PIBF1: variants seen among roughly 807,000 people sequenced by gnomAD.
PIBF1 encodes progesterone-induced-blocking factor 1.
A neutral mutation model predicts 112.5 loss-of-function variants in PIBF1; 90 were observed. The ratio of observed to expected loss-of-function variants is 0.80; its 90% CI spans 0.67 to 0.95. PIBF1 has a LOEUF of 0.95. Among genes scored for constraint, PIBF1 ranks in the 40% least tolerant of loss-of-function variants. PIBF1 has a pLI of 0.00. For synonymous variants in PIBF1, 301 were observed against 288.6 expected (o/e 1.04, Z -0.44); for missense variants, 915 against 852.3 (o/e 1.07, Z -0.92).
intron 5 of PIBF1, among the ~76,000 whole-genome samples, chr13:72,800,554 A>G (rs948710844): frequency 2.0e-5 from 3 of 152,202 alleles, no homozygotes; most frequent in Non-Finnish European, 4.4e-5. Context: ...CCGTCCGTAA[A>G]ATAGGGACGA....
chr13:73,010,193 C>G (rs898413273), intron 17 of PIBF1, among the ~76,000 whole-genome samples: 2 of 151,752 alleles, frequency 1.3e-5, no homozygotes, highest in Non-Finnish European at 2.9e-5. Flanking sequence ...AGAACTTACC[C>G]CCACTATGGC....
chr13:72,935,638 G>T lies in PIBF1; in HGVS notation c.1833+4371G>T, dbSNP rs367667584. 8.1e-4 allele frequency among the ~76,000 whole-genome samples: 124 copies of T among 152,232 alleles called. No homozygotes were observed. The Middle Eastern group carries it at 0.014, about 17-fold the overall frequency. On this transcript the variant is annotated intron_variant, in intron 14 of 17. Coordinates refer to ENST00000326291, the MANE Select transcript of PIBF1 (RefSeq NM_006346.4). ...CTGCTAAACTGTTTCCCAGATGTTT[G>T]TACCATTTTACATTTCCACCAATAA...
chr13:72,951,505 A>G (rs763250107), intron 14 of PIBF1, among the ~76,000 whole-genome samples: 3 of 152,148 alleles, frequency 2.0e-5, no homozygotes, highest in Admixed American at 6.5e-5. Flanking sequence ...GTCTTATAAT[A>G]TCTAAGGGGT....
chr13:72,993,890 TAAC>T lies in PIBF1; in HGVS notation c.2050-4929_2050-4927del, dbSNP rs150501640. On this transcript the variant is annotated intron_variant, in intron 16 of 17. Coordinates refer to ENST00000326291, the MANE Select transcript of PIBF1 (RefSeq NM_006346.4). ...CATTAATAAATTGTATGCCATCAAA[TAAC>T]AAACAGAATGAGGGAGGAAGGAGTT... 5.4e-3 allele frequency among the ~76,000 whole-genome samples: 815 copies of T among 151,958 alleles called. 14 individuals carry two copies. Among genetic ancestry groups the T allele is most frequent in the African/African-American group, 0.018 (763 of 41,486 alleles).
At chr13:72,981,751 C>T (rs2043163282) in intron 16 of PIBF1, among the ~76,000 whole-genome samples, 1 of 152,180 alleles carries the variant, frequency 6.6e-6, no homozygotes, top group Non-Finnish European at 1.5e-5. Flanking sequence ...CAGGTGTAAA[C>T]ATAGAAGATG....
intron 13 of PIBF1, among the ~76,000 whole-genome samples, chr13:72,928,958 G>A (rs1251712962): frequency 2.6e-5 from 4 of 152,072 alleles, no homozygotes; most frequent in Non-Finnish European, 1.5e-5. Flanking sequence ...GCATGTCTTT[G>A]TCTTCCATTT....
chr13:72,894,977 A>ACG (rs906444262), intron 11 of PIBF1, among the ~76,000 whole-genome samples: 10 of 151,226 alleles, frequency 6.6e-5, no homozygotes, highest in African/African-American at 2.4e-4. Flanking sequence ...AAAATGTAAA[A>ACG]GTTAGGTGTG....
At chr13:72,995,154 T>C (rs1032367762) in intron 16 of PIBF1, among the ~76,000 whole-genome samples, 4 of 151,304 alleles carry the variant, frequency 2.6e-5, no homozygotes, top group Admixed American at 2.6e-4. Context: ...AACAAAAAAT[T>C]AGCCGGGCAT....
At chr13:72,868,666 A>G (rs2039024767) in intron 10 of PIBF1, among the ~76,000 whole-genome samples, 1 of 152,048 alleles carries the variant, frequency 6.6e-6, no homozygotes, top group Admixed American at 6.6e-5. Context: ...AGTATAACCA[A>G]TATCACCTCT....
At chr13:73,014,951 A>AT (rs1431652523) in intron 17 of PIBF1, among the ~76,000 whole-genome samples, 5 of 152,184 alleles carry the variant, frequency 3.3e-5, no homozygotes, top group Admixed American at 2.0e-4. Flanking sequence ...TGCCTGGCTA[A>AT]TTTTTTGTAT....
At chr13:72,792,984 T>C (rs1253663164) in intron 3 of PIBF1, among the ~76,000 whole-genome samples, 1 of 152,090 alleles carries the variant, frequency 6.6e-6, no homozygotes, top group Non-Finnish European at 1.5e-5. Context: ...TTAAAAATAA[T>C]ACAAACAATG....
In PIBF1 at chr13:72,973,608, A is replaced by T; in HGVS notation, c.1982A>T (p.Lys661Met). The T allele has an allele frequency of 6.4e-7, 1 of 1,558,282 alleles. No individual in the cohort carries two copies. The highest frequency in any genetic ancestry group is 8.7e-7 in the Non-Finnish European group (1 of 1,154,020). ...EKDVSNLNKE[K>M]SALLQTKNQM... ...TTTTTCAGCAACTTAAATAAAGAAA[A>T]GTCAGCTTTACTACAGACGAAGAAT... Residue 661 changes from lysine to methionine, a missense_variant, in exon 16 of 18, where the codon AAG (lysine) becomes ATG (methionine). Lys to Met is a moderately conservative substitution (Grantham distance 95). Coordinates refer to ENST00000326291, the MANE Select transcript of PIBF1 (RefSeq NM_006346.4).
intron 17 of PIBF1, among the ~76,000 whole-genome samples, chr13:73,002,982 T>TAAAA (rs2043918598): frequency 3.3e-3 from 6 of 1,822 alleles, no homozygotes; most frequent in South Asian, 8.9e-3. Flanking sequence ...GACTCTGGTC[T>TAAAA]CAAAAAAAAA....
chr13:72,816,580 G>A (rs2036283232), intron 5 of PIBF1, among the ~76,000 whole-genome samples: 1 of 151,566 alleles, frequency 6.6e-6, no homozygotes. Flanking sequence ...AGGATCATCT[G>A]AGGTCGGGAG....
chr13:72,830,856 C>G (rs904924707), intron 8 of PIBF1, among the ~76,000 whole-genome samples: 1 of 152,122 alleles, frequency 6.6e-6, no homozygotes, highest in African/African-American at 2.4e-5. Context: ...GTACCAGCTC[C>G]TCTTTGTACC....
chr13:72,788,492 T>C (rs1488756513), intron 2 of PIBF1, among the ~76,000 whole-genome samples: 1 of 152,230 alleles, frequency 6.6e-6, no homozygotes, highest in Non-Finnish European at 1.5e-5. Flanking sequence ...CCAGGCTCCT[T>C]TTAACCTTAG....
At chr13:72,941,190 A>G (rs539442589) in intron 14 of PIBF1, among the ~76,000 whole-genome samples, 33 of 152,286 alleles carry the variant, frequency 2.2e-4, no homozygotes, top group African/African-American at 6.5e-4. Context: ...ATGATGTCCA[A>G]TGTCTTTCGA....
intron 12 of PIBF1, among the ~76,000 whole-genome samples, chr13:72,911,842 A>G (rs2040904234): frequency 1.3e-5 from 2 of 152,148 alleles, no homozygotes; most frequent in Admixed American, 6.5e-5. Context: ...AGAGATGTCC[A>G]TGTCCTGTTG....
rs1478541859 is a variant in PIBF1, at chr13:72,934,881, A to G, written c.1833+3614A>G. 2.6e-5 allele frequency among the ~76,000 whole-genome samples: 4 copies of G among 152,120 alleles called. No homozygotes were observed. The South Asian group carries it at 8.3e-4, about 31-fold the overall frequency. The stretch of plus-strand genomic sequence containing the variant: ...AAAAGTTTCCATATGCCCCTTTGGA[A>G]TTCTTGCCTCCCAACCTTCCCCATC... On this transcript the variant is annotated intron_variant, in intron 14 of 17. Coordinates refer to ENST00000326291, the MANE Select transcript of PIBF1 (RefSeq NM_006346.4).
Sources: gnomAD v4.1 joint callset for allele counts (sites outside exome capture counted in the v4.1 genomes callset) on GRCh38, gnomAD v4.1.1 for gene constraint, MANE v1.5 for transcripts, NCBI Gene and HGNC (gene_info 2026-07-23, HGNC 2026-07-21) for gene names.